FER: variants seen among roughly 807,000 people sequenced by gnomAD.
FER encodes FER tyrosine kinase.
A neutral mutation model predicts 111.0 loss-of-function variants in FER; 63 were observed. The ratio of observed to expected loss-of-function variants is 0.57; its 90% confidence interval spans 0.46 to 0.70. The LOEUF (loss-of-function observed/expected upper bound fraction) is 0.70. Among genes scored for constraint, FER ranks in the 30% least tolerant of loss-of-function variants. The pLI is 0.00. For synonymous variants in FER, 327 were observed against 313.9 expected (o/e 1.04, Z -0.44); for missense variants, 914 against 954.0 (o/e 0.96, Z 0.55).
At chr5:108,806,066 A>G (rs906814330) in intron 3 of FER, among the ~76,000 whole-genome samples, 1 of 152,178 alleles carries the variant, frequency 6.6e-6, no homozygotes, top group Non-Finnish European at 1.5e-5. Context: ...GGCCAAGCCC[A>G]GGGTCCCTGT....
chr5:108,910,609 G>A lies in FER; in HGVS notation c.1236+12761G>A, dbSNP rs536324373. Among the ~76,000 whole-genome samples, 80 of 152,190 alleles carry A rather than the reference G, an allele frequency of 5.3e-4. 3 individuals carry two copies. The South Asian group carries it at 0.016, about 31-fold the overall frequency. Reference sequence around the variant, plus strand: ...CAAATAGTGAACATTGTACCACATAGGTAATTTTCAACCCCCTCCGCTTCT... The same window carrying A: ...CAAATAGTGAACATTGTACCACATAAGTAATTTTCAACCCCCTCCGCTTCT... On this transcript the variant is annotated intron_variant, in intron 10 of 19. Transcript: ENST00000281092.
chr5:108,980,393 AAAATTTTTGCAT>A (rs1761898833), intron 13 of FER, among the ~76,000 whole-genome samples: 1 of 152,168 alleles, frequency 6.6e-6, no homozygotes, highest in Admixed American at 6.5e-5. Context: ...ACAAAGGTCT[AAAATTTTTGCAT>A]AAATTGAATA....
intron 3 of FER, among the ~76,000 whole-genome samples, chr5:108,812,187 T>C (rs1040929431): frequency 1.3e-5 from 2 of 152,244 alleles, no homozygotes; most frequent in African/African-American, 2.4e-5. Flanking sequence ...ATTTTTCTTA[T>C]ATTTCAATTC....
chr5:108,806,746 T>C (rs1757250539), intron 3 of FER, among the ~76,000 whole-genome samples: 1 of 152,186 alleles, frequency 6.6e-6, no homozygotes, highest in Non-Finnish European at 1.5e-5. Context: ...AATGGCTGTA[T>C]TTACCTAATA....
intron 13 of FER, among the ~76,000 whole-genome samples, chr5:108,991,464 A>G (rs1391916216): frequency 6.6e-6 from 1 of 152,164 alleles, no homozygotes; most frequent in Admixed American, 6.5e-5. Flanking sequence ...GTAAGGTTTT[A>G]TAATTTAATG....
At chr5:109,181,039 A>G in intron 18 of FER, 138 bp downstream of exon 18, 1 of 658,530 alleles carries the variant, frequency 1.5e-6, no homozygotes, top group Non-Finnish European at 2.4e-6. Context: ...AGTGAATTTC[A>G]TACTTTTAAT....
At chr5:108,817,438 A>G (rs1285527662) in intron 3 of FER, among the ~76,000 whole-genome samples, 2 of 152,228 alleles carry the variant, frequency 1.3e-5, no homozygotes, top group Non-Finnish European at 2.9e-5. Flanking sequence ...TGTAGTGCAC[A>G]GACTATGCAT....
At chr5:108,803,061 A>T (rs993614199) in intron 3 of FER, among the ~76,000 whole-genome samples, 4 of 152,126 alleles carry the variant, frequency 2.6e-5, no homozygotes. Flanking sequence ...ATGGTATCTC[A>T]TTGTGGTCTT....
At chr5:109,073,231 G>A (rs1775964260) in intron 16 of FER, among the ~76,000 whole-genome samples, 1 of 152,088 alleles carries the variant, frequency 6.6e-6, no homozygotes, top group South Asian at 2.1e-4. Flanking sequence ...TTGAAAGACA[G>A]TTACAAAACA....
At chr5:109,023,888 C>T (rs1261336575) in intron 13 of FER, among the ~76,000 whole-genome samples, 1 of 152,024 alleles carries the variant, frequency 6.6e-6, no homozygotes, top group Non-Finnish European at 1.5e-5. Context: ...ACTCCCCTTT[C>T]CCCCAAAGAT....
intron 5 of FER, among the ~76,000 whole-genome samples, chr5:108,866,251 A>G (rs1308453045): frequency 6.6e-6 from 1 of 152,228 alleles, no homozygotes; most frequent in Non-Finnish European, 1.5e-5. Context: ...AATACTATGC[A>G]GCCATAAAAA....
intron 13 of FER, among the ~76,000 whole-genome samples, chr5:109,034,853 A>G (rs1159773970): frequency 6.6e-6 from 1 of 152,102 alleles, no homozygotes; most frequent in African/African-American, 2.4e-5. Flanking sequence ...TAGAAGAATA[A>G]CATTTGCTTA....
At chr5:109,097,328 T>C (rs913554535) in intron 16 of FER, among the ~76,000 whole-genome samples, 8 of 152,072 alleles carry the variant, frequency 5.3e-5, no homozygotes, top group Admixed American at 3.3e-4. Context: ...GGAAATAACC[T>C]ATCCCATTTT....
At position 109,195,232 on chromosome 5, in the gene FER, A is replaced by G. The variant is rs1406879616; in HGVS notation, c.*7657A>G. On this transcript the variant is annotated 3_prime_UTR_variant, in exon 20 of 20. Transcript: ENST00000281092. ...TAGGACTTTGAATATTTTCTCCTTA[A>G]TTAAAGTACGTTGCTTGTATTTAGA... 1 of 152,144 alleles carries G rather than the reference A, an allele frequency of 6.6e-6. No homozygotes were observed. The highest frequency in any genetic ancestry group is 1.5e-5 in the Non-Finnish European group (1 of 68,032). 9.4% of individuals were successfully genotyped at this position (152,144 alleles called of 1,614,324 possible).
At chr5:109,009,481 C>G (rs1300511542) in intron 13 of FER, among the ~76,000 whole-genome samples, 1 of 152,204 alleles carries the variant, frequency 6.6e-6, no homozygotes, top group Admixed American at 6.5e-5. Context: ...TTAAATTTAA[C>G]TCTCAAATGT....
intron 16 of FER, among the ~76,000 whole-genome samples, chr5:109,094,424 G>T (rs1458342464): frequency 6.6e-6 from 1 of 152,000 alleles, no homozygotes; most frequent in African/African-American, 2.4e-5. Flanking sequence ...ATGCCCACTG[G>T]AACATTTCAG....
intron 13 of FER, among the ~76,000 whole-genome samples, chr5:108,994,792 G>C (rs891524408): frequency 6.6e-6 from 1 of 152,100 alleles, no homozygotes; most frequent in Non-Finnish European, 1.5e-5. Flanking sequence ...TCCTTGAGCA[G>C]TGGTTTGTAG....
At chr5:109,097,966 TA>T (rs368631610) in intron 16 of FER, among the ~76,000 whole-genome samples, 2 of 151,876 alleles carry the variant, frequency 1.3e-5, no homozygotes, top group African/African-American at 4.8e-5. Context: ...ATCTGTGGCT[TA>T]AATAACTATA....
chr5:108,805,054 T>C (rs1324831984), intron 3 of FER, among the ~76,000 whole-genome samples: 1 of 152,100 alleles, frequency 6.6e-6, no homozygotes, highest in Non-Finnish European at 1.5e-5. Flanking sequence ...GTTTCTTCCT[T>C]GATATGGTTC....
Sources: gnomAD v4.1 joint callset for allele counts (sites outside exome capture counted in the v4.1 genomes callset) on GRCh38, gnomAD v4.1.1 for gene constraint, MANE v1.5 for transcripts, NCBI Gene and HGNC (gene_info 2026-07-23, HGNC 2026-07-21) for gene names.